The following OTOF variants were observed in gnomAD, a reference collection of about 807,000 sequenced individuals.
The protein encoded by OTOF is otoferlin.
Under a neutral mutation model 236.8 loss-of-function variants are expected in OTOF, and 218 were observed. The ratio of observed to expected loss-of-function variants is 0.92; its 90% confidence interval spans 0.82 to 1.03. The LOEUF is 1.03. OTOF is among the 50% of genes least tolerant of loss of function. The probability of loss-of-function intolerance (pLI) is 0.00; values close to 1 mark genes in which losing one functional copy is unlikely to be tolerated. For missense variants in OTOF, 2,590 were observed against 2,694.4 expected (o/e 0.96, Z 0.86); for synonymous variants, 1,041 against 1,072.5 (o/e 0.97, Z 0.57).
At chr2:26,531,200 C>T (rs967168430) in intron 2 of OTOF, among the ~76,000 whole-genome samples, 2 of 152,202 alleles carry the variant, frequency 1.3e-5, no homozygotes, top group Non-Finnish European at 2.9e-5. Context: ...GGGCACCTCA[C>T]AGAGCTCCAA....
rs551988016 is a variant in OTOF, at chr2:26,489,476, G to A, written c.961-181C>T. On this transcript the variant is annotated intron_variant, in intron 10 of 46. Transcript: ENST00000272371. The stretch of plus-strand genomic sequence containing the variant: ...AGTTTCTTGCTGGCCACTGTTTACG[G>A]GCGAATGCACTATTCAGAGGCATCC... Among the ~76,000 whole-genome samples, 12 of 152,336 alleles carry A rather than the reference G, an allele frequency of 7.9e-5. No individual in the cohort carries two copies. The South Asian group carries it at 2.5e-3, about 32-fold the overall frequency.
At chr2:26,521,998 C>G (rs1270785680) in intron 3 of OTOF, among the ~76,000 whole-genome samples, 2 of 152,198 alleles carry the variant, frequency 1.3e-5, no homozygotes, top group East Asian at 3.9e-4. Flanking sequence ...GGGCGAGTCT[C>G]CTTTGCAGGA....
At chr2:26,534,929 A>T (rs1407863086) in intron 2 of OTOF, among the ~76,000 whole-genome samples, 1 of 152,220 alleles carries the variant, frequency 6.6e-6, no homozygotes, top group Non-Finnish European at 1.5e-5. Context: ...TGGCAGGCAG[A>T]TTCTTTCAGG....
intron 5 of OTOF, among the ~76,000 whole-genome samples, chr2:26,509,463 A>G (rs1002359975): frequency 3.9e-5 from 6 of 152,176 alleles, no homozygotes; most frequent in Admixed American, 1.3e-4. Context: ...CAGAGTTAAC[A>G]CTGCATCATC....
chr2:26,527,709 C>A (rs775688939), intron 3 of OTOF, 123 bp downstream of exon 3: 140 of 772,088 alleles, frequency 1.8e-4, no homozygotes, highest in Non-Finnish European at 3.2e-4. Context: ...CTTTGAAGAT[C>A]AATCCAGGGC....
Position 26,501,771 on chromosome 2 carries a change from G to T in OTOF, c.748C>A (p.Arg250=). ...PDIKMEPSAG[R]PMDYQVSITV... ...CCACCTACCTGGTAATCCATGGGCCGCCCAGCACTTGGCTCCATCTTAATG... is the reference window on the plus strand; with the variant it reads ...CCACCTACCTGGTAATCCATGGGCCTCCCAGCACTTGGCTCCATCTTAATG... The change falls in exon 8 of 47, where the codon CGG becomes AGG. Residue 250 remains arginine (R), a synonymous_variant. Coordinates refer to ENST00000272371, the MANE Select transcript of OTOF (RefSeq NM_194248.3). 6.2e-7 allele frequency: 1 copy of T among 1,613,444 alleles called. No individual in the cohort carries two copies. The highest frequency in any genetic ancestry group is 8.5e-7 in the Non-Finnish European group (1 of 1,179,378).
chr2:26,503,739 G>A (rs1033471083), intron 6 of OTOF, 33 bp downstream of exon 6: 9 of 1,592,078 alleles, frequency 5.7e-6, no homozygotes, highest in Non-Finnish European at 7.8e-6. Flanking sequence ...CGCGAGGCGC[G>A]GGGCTGCGGG....
intron 2 of OTOF, among the ~76,000 whole-genome samples, chr2:26,535,440 G>A (rs537982780): frequency 1.6e-4 from 24 of 152,242 alleles, no homozygotes; most frequent in South Asian, 8.3e-4. Flanking sequence ...TGGGAAGTGC[G>A]GGATGGCCTG....
At chr2:26,468,382 G>A in intron 33 of OTOF, 26 bp downstream of exon 33, 2 of 1,592,332 alleles carry the variant, frequency 1.3e-6, no homozygotes, top group Non-Finnish European at 1.7e-6. Context: ...GGAGGAGGAG[G>A]CAGAGTTCCA....
rs764913419 is a variant in OTOF at position 26,473,283 on chromosome 2, C to G, written c.3582G>C (p.Glu1194Asp). 1 of 1,613,276 alleles carries G rather than the reference C, an allele frequency of 6.2e-7. No individual in the cohort carries two copies. The highest frequency in any genetic ancestry group is 1.1e-5 in the South Asian group (1 of 91,078). ...TCAAGGGCGGGTGCAGCAGCTCGTTCTCTGGGAGGTCCTGGGGTGTTGGCG... is the reference window on the plus strand; with the variant it reads ...TCAAGGGCGGGTGCAGCAGCTCGTTGTCTGGGAGGTCCTGGGGTGTTGGCG... The part of the protein sequence containing the change: ...LVKWFEVDLP[E>D]NELLHPPLNI... The change falls in exon 29 of 47, where the codon GAG (glutamate) becomes GAC (aspartate). Residue 1194 changes from glutamate to aspartate, a missense_variant. This residue lies in a region of OTOF where 1,211 missense variants were observed against 1,352.8 expected (regional missense o/e 0.90). Coordinates refer to ENST00000272371, the MANE Select transcript of OTOF (RefSeq NM_194248.3). This position sits in a 1 kb window ranked among gnomAD's most constrained non-coding sequence, Gnocchi z 7.2.
At chr2:26,494,454 G>A (rs968535102) in intron 9 of OTOF, among the ~76,000 whole-genome samples, 5 of 152,270 alleles carry the variant, frequency 3.3e-5, no homozygotes, top group Admixed American at 2.6e-4. Flanking sequence ...TCTGCCTTCA[G>A]AAGTCTCACT....
chr2:26,479,600 G>A lies in OTOF; in HGVS notation c.1966C>T (p.Arg656Trp), dbSNP rs755740624. ...TCTTCCTCATCCCCCGGCTCCTTCC[G>A]GGGCCGAGGCCGCTGGGGCCGGGAC... ...GLSRPQRPRP[R>W]KEPGDEEEVD... Residue 656 changes from arginine to tryptophan, a missense_variant, in exon 17 of 47, where the codon CGG (arginine) becomes TGG (tryptophan). By Grantham distance (101) the Arg-to-Trp change is moderately radical. Around this residue, in one of 2 missense-constraint regions of OTOF, gnomAD observed 1,379 missense variants for 1,341.6 expected, o/e 1.03. Transcript: ENST00000272371. 1.3e-5 allele frequency: 21 copies of A among 1,612,468 alleles called. No individual in the cohort carries two copies. Among genetic ancestry groups the A allele is most frequent in the African/African-American group, 6.7e-5 (5 of 74,928 alleles).
rs761367436 is a variant in OTOF, at chr2:26,516,540, G to A, written c.387C>T (p.Asp129=). The A allele has an allele frequency of 1.1e-5, 17 of 1,612,574 alleles. No individual in the cohort carries two copies. Among genetic ancestry groups the A allele is most frequent in the East Asian group, 2.2e-5 (1 of 44,888 alleles). ...ACTCATCTCCCAGGAAGTCCCCATC[G>A]TCCCAGGAGCCCACTGTGCCGTCAG... is the stretch of plus-strand genomic sequence containing the variant. ...QATDGTVGSW[D]DGDFLGDESL... is the part of the protein sequence containing the mutation. The change falls in exon 5 of 47, where the codon GAC becomes GAT. Residue 129 remains aspartate, a synonymous_variant. Transcript: ENST00000272371.
At position 26,460,029 on chromosome 2, in the gene OTOF, GC is replaced by G; in HGVS notation, c.5989del (p.Ala1997ProfsTer134). 1.3e-6 allele frequency: 2 copies of G among 1,567,518 alleles called. No homozygotes were observed. The highest frequency in any genetic ancestry group is 2.3e-5 in the South Asian group (2 of 85,154). On this transcript the variant is annotated frameshift_variant, in exon 46 of 47. Transcript: ENST00000272371. LOFTEE classifies it high-confidence loss of function. The surrounding 1 kb of genome is among the most constrained non-coding windows in gnomAD (Gnocchi z 5.3). ...PGYLVKKILGA is the reference protein window; with the variant it reads ...PGYLVKKILGX ...AGACCCAGGAGGCCACTGGGCTCAG[GC>G]CCCGAGGATTTTCTTGACCAGGTAG...
chr2:26,551,936 A>G (rs746601348), intron 1 of OTOF, among the ~76,000 whole-genome samples: 29 of 152,252 alleles, frequency 1.9e-4, no homozygotes, highest in Non-Finnish European at 4.0e-4. Context: ...GATCTTCTTC[A>G]AAATAATTTG....
intron 1 of OTOF, among the ~76,000 whole-genome samples, chr2:26,551,669 G>T (rs546325637): frequency 2.0e-5 from 3 of 152,330 alleles, no homozygotes; most frequent in African/African-American, 7.2e-5. Flanking sequence ...GCACATGGCT[G>T]CCCTTCAACA....
intron 3 of OTOF, among the ~76,000 whole-genome samples, chr2:26,527,599 G>T (rs1218386401): frequency 2.0e-5 from 3 of 152,216 alleles, no homozygotes; most frequent in Non-Finnish European, 4.4e-5. Flanking sequence ...TAGGAGGGTG[G>T]AGTGTTCTTG....
rs772099526 is a variant in OTOF, at chr2:26,473,246, C to T, written c.3619G>A (p.Val1207Met). The T allele has an allele frequency of 1.2e-6, 2 of 1,613,422 alleles. No individual in the cohort carries two copies. The highest frequency in any genetic ancestry group is 8.5e-7 in the Non-Finnish European group (1 of 1,179,974). The change falls in exon 29 of 47, where the codon GTG becomes ATG. Residue 1207 changes from valine (V) to methionine (M), a missense_variant. Val to Met is a conservative substitution (Grantham distance 21). Around this residue, in one of 2 missense-constraint regions of OTOF, gnomAD observed 1,211 missense variants for 1,352.8 expected, o/e 0.90. Transcript: ENST00000272371. The surrounding 1 kb of genome is among the most constrained non-coding windows in gnomAD (Gnocchi z 7.2). ...LLHPPLNIRV[V>M]DCRAFGRYTL... ...TAGCGACCGAAGGCCCGGCAGTCCA[C>T]CACACGGATGTTCAAGGGCGGGTGC...
In OTOF at chr2:26,457,917, G is replaced by C; in HGVS notation, c.*321C>G. The C allele has an allele frequency of 2.0e-6, 2 of 1,023,216 alleles. No individual in the cohort carries two copies. The highest frequency in any genetic ancestry group is 3.1e-5 in the South Asian group (2 of 64,876). 63.4% of individuals were successfully genotyped at this position (1,023,216 alleles called of 1,614,324 possible). A position where few individuals can be genotyped will look rare whatever the true frequency, so the allele number is the denominator to read the frequency against. On this transcript the variant is annotated 3_prime_UTR_variant, in exon 47 of 47. Transcript: ENST00000272371. The surrounding 1 kb of genome is among the most constrained non-coding windows in gnomAD (Gnocchi z 4.4). Reference sequence around the variant, plus strand: ...GCCCCCGCAAGCAGGAGGCAGGCTCGGCCCAAGGCATGAAGAGTGGACGCT... The same window carrying C: ...GCCCCCGCAAGCAGGAGGCAGGCTCCGCCCAAGGCATGAAGAGTGGACGCT...
Sources: allele counts gnomAD v4.1 joint callset (sites outside exome capture counted in the v4.1 genomes callset), GRCh38; gene constraint gnomAD v4.1.1; regional missense constraint gnomAD v4.1.1; non-coding constraint Gnocchi (gnomAD v3.1); transcripts MANE v1.5; gene names NCBI Gene and HGNC (gene_info 2026-07-23, HGNC 2026-07-21).